Variants in MACROD1 observed in about 807,000 individuals in gnomAD.
MACROD1 encodes mono-ADP ribosylhydrolase 1.
A neutral mutation model predicts 41.4 loss-of-function variants in MACROD1; 31 were observed. The ratio of observed to expected loss-of-function variants is 0.75; its 90% CI spans 0.56 to 1.01. The LOEUF is 1.01. MACROD1 is among the 50% of genes least tolerant of loss of function. The pLI, the probability that MACROD1 is intolerant of heterozygous loss-of-function variation, is 0.00. For missense variants in MACROD1, 473 were observed against 460.0 expected (o/e 1.03, Z -0.26); for synonymous variants, 252 against 203.4 (o/e 1.24, Z -2.03).
At chr11:64,102,883 A>G (rs768297007) in intron 3 of MACROD1, among the ~76,000 whole-genome samples, 10 of 151,968 alleles carry the variant, frequency 6.6e-5, no homozygotes, top group Non-Finnish European at 1.5e-4. Flanking sequence ...TCTGGCCAAT[A>G]TGGTGAAACC....
intron 3 of MACROD1, among the ~76,000 whole-genome samples, chr11:64,031,157 G>A (rs1244893366): frequency 6.6e-6 from 1 of 152,146 alleles, no homozygotes; most frequent in Non-Finnish European, 1.5e-5. Context: ...CAGTGGCCTG[G>A]TCTGACCTGC....
chr11:64,146,985 T>C lies in MACROD1; in HGVS notation c.517+4254A>G, dbSNP rs1402821830. Among the ~76,000 whole-genome samples, 2 of 152,094 alleles carry C rather than the reference T, an allele frequency of 1.3e-5. No homozygotes were observed. Among genetic ancestry groups the C allele is most frequent in the South Asian group, 4.1e-4 (2 of 4,828 alleles). ...TCACACACATCCCAATCACATCTCATAGCCCAATAATGTAAGAGTGGAAAC... is the reference window on the plus strand; with the variant it reads ...TCACACACATCCCAATCACATCTCACAGCCCAATAATGTAAGAGTGGAAAC... On this transcript the variant is annotated intron_variant, in intron 3 of 10. Transcript: ENST00000255681. This position sits in a 1 kb window ranked among gnomAD's most constrained non-coding sequence, Gnocchi z 4.7.
At chr11:64,113,938 G>A (rs544355574) in intron 3 of MACROD1, among the ~76,000 whole-genome samples, 76 of 145,240 alleles carry the variant, frequency 5.2e-4, no homozygotes, top group African/African-American at 1.6e-3. Flanking sequence ...ATTGATGCAC[G>A]GATGGATGGA....
intron 3 of MACROD1, among the ~76,000 whole-genome samples, chr11:64,086,315 G>C (rs1944394229): frequency 6.6e-6 from 1 of 152,138 alleles, no homozygotes. Flanking sequence ...ACCGGCACCT[G>C]CACAGCCTGG....
chr11:64,084,836 C>T (rs1335899291), intron 3 of MACROD1, among the ~76,000 whole-genome samples: 2 of 152,200 alleles, frequency 1.3e-5, no homozygotes, highest in South Asian at 2.1e-4. Flanking sequence ...AGGTAATGCC[C>T]CGGCCCGGGA....
At chr11:64,068,634 T>C (rs574976852) in intron 3 of MACROD1, among the ~76,000 whole-genome samples, 246 of 152,366 alleles carry the variant, frequency 1.6e-3, no homozygotes, top group African/African-American at 5.7e-3. Context: ...GGGTTCCATG[T>C]GCAGAGGGGC....
At chr11:64,072,339 G>T (rs1020491365) in intron 3 of MACROD1, among the ~76,000 whole-genome samples, 36 of 152,326 alleles carry the variant, frequency 2.4e-4, no homozygotes, top group African/African-American at 7.5e-4. Context: ...AGCCTTTGGG[G>T]GTTGCCTCTG....
intron 3 of MACROD1, chr11:64,118,132 T>C: frequency 1.2e-6 from 2 of 1,613,474 alleles, no homozygotes; most frequent in Non-Finnish European, 1.7e-6. Flanking sequence ...CTGCAGATGC[T>C]GCCCATCAAC....
intron 3 of MACROD1, chr11:64,035,911 C>A: frequency 6.8e-6 from 1 of 146,630 alleles, no homozygotes; most frequent in South Asian, 1.8e-4. Context: ...ACACGCACCC[C>A]GCCGCTGGAC....
At chr11:64,043,917 T>C (rs1171225379) in intron 3 of MACROD1, among the ~76,000 whole-genome samples, 1 of 151,726 alleles carries the variant, frequency 6.6e-6, no homozygotes, top group Non-Finnish European at 1.5e-5. Context: ...AGGTTCAAGC[T>C]ATTCTCCTGC....
chr11:64,123,917 A>G (rs1272007294), intron 3 of MACROD1, among the ~76,000 whole-genome samples: 2 of 152,200 alleles, frequency 1.3e-5, no homozygotes, highest in African/African-American at 4.8e-5. Flanking sequence ...GACGTGGCAG[A>G]TATTTTCCTC....
At chr11:64,086,834 C>CGGTG (rs926946545) in intron 3 of MACROD1, 1 of 152,272 alleles carries the variant, frequency 6.6e-6, no homozygotes, top group Non-Finnish European at 1.5e-5. Context: ...CTTCCACAGG[C>CGGTG]GGTGCTAGGG....
At chr11:64,069,723 C>A (rs912475668) in intron 3 of MACROD1, among the ~76,000 whole-genome samples, 1 of 152,178 alleles carries the variant, frequency 6.6e-6, no homozygotes, top group African/African-American at 2.4e-5. Context: ...GTGACACCCC[C>A]GGGCCCGGCC....
rs1387256127 is a variant in MACROD1, at chr11:64,146,387, C to T, written c.517+4852G>A. ...GAGGGGGCCTGCGGGGGCTCCCTGGCTTATCTCCTGCACATGGCAGCCCAA... is the reference window on the plus strand; with the variant it reads ...GAGGGGGCCTGCGGGGGCTCCCTGGTTTATCTCCTGCACATGGCAGCCCAA... On this transcript the variant is annotated intron_variant, in intron 3 of 10. Coordinates refer to ENST00000255681, the MANE Select transcript of MACROD1 (RefSeq NM_014067.4). This position sits in a 1 kb window ranked among gnomAD's most constrained non-coding sequence, Gnocchi z 4.7. Among the ~76,000 whole-genome samples, 1 of 152,190 alleles carries T rather than the reference C, an allele frequency of 6.6e-6. No homozygotes were observed. Among genetic ancestry groups the T allele is most frequent in the Non-Finnish European group, 1.5e-5 (1 of 68,020 alleles).
rs189254714 is a variant in MACROD1, at chr11:64,120,558, C to T, written c.517+30681G>A. Among the ~76,000 whole-genome samples the T allele has an allele frequency of 1.2e-4, 19 of 152,178 alleles. No individual in the cohort carries two copies. The highest frequency in any genetic ancestry group is 2.1e-4 in the Non-Finnish European group (14 of 68,012). On this transcript the variant is annotated intron_variant, in intron 3 of 10. Coordinates refer to ENST00000255681, the MANE Select transcript of MACROD1 (RefSeq NM_014067.4). The surrounding 1 kb of genome is among the most constrained non-coding windows in gnomAD (Gnocchi z 4.5). ...AAAATTAGCCAGGCATGGTGGCAGG[C>T]GCCTGTTACCTGGCTACTCGGGAGG...
At chr11:64,143,825 C>T (rs11231706) in intron 3 of MACROD1, among the ~76,000 whole-genome samples, 16,545 of 148,726 alleles carry the variant, frequency 0.11, 2,569 homozygotes, top group African/African-American at 0.35. Flanking sequence ...CTCTGGAGCT[C>T]GGCAAACCTC....
chr11:64,026,315 G>A (rs1013621183), intron 3 of MACROD1, among the ~76,000 whole-genome samples: 5 of 152,018 alleles, frequency 3.3e-5, no homozygotes, highest in Admixed American at 2.0e-4. Context: ...GTGAGCCACT[G>A]CGCTCGGCCT....
chr11:64,078,211 C>A (rs1408258665), intron 3 of MACROD1, among the ~76,000 whole-genome samples: 1 of 152,190 alleles, frequency 6.6e-6, no homozygotes, highest in Non-Finnish European at 1.5e-5. Flanking sequence ...TGGCCATGCC[C>A]ATGCCCAGTA....
chr11:64,061,487 G>A (rs1341049605), intron 3 of MACROD1, among the ~76,000 whole-genome samples: 3 of 152,026 alleles, frequency 2.0e-5, no homozygotes, highest in African/African-American at 7.2e-5. Context: ...CTCTGACCCC[G>A]CAGTCCCCAG....
Sources: gnomAD v4.1 joint callset for allele counts (sites outside exome capture counted in the v4.1 genomes callset) on GRCh38, gnomAD v4.1.1 for gene constraint, Gnocchi (gnomAD v3.1) non-coding constraint, MANE v1.5 for transcripts, NCBI Gene and HGNC (gene_info 2026-07-23, HGNC 2026-07-21) for gene names.